The following CDHR2 variants were observed in gnomAD, a reference collection of about 807,000 sequenced individuals.
CDHR2 encodes cadherin related family member 2, also known as cadherin-related family member 2.
Under a neutral mutation model 138.6 loss-of-function variants are expected in CDHR2, and 104 were observed. The observed-to-expected ratio is 0.75, with a 90% confidence interval of 0.64 to 0.88. CDHR2 has a LOEUF of 0.88. CDHR2 is among the 40% of genes least tolerant of loss of function. The pLI is 0.00. For missense variants in CDHR2, 1,624 were observed against 1,727.6 expected (o/e 0.94, Z 1.06); for synonymous variants, 755 against 742.8 (o/e 1.02, Z -0.27).
At position 176,591,422 on chromosome 5, in the gene CDHR2, C is replaced by T. The variant is rs372658909; in HGVS notation, c.3672C>T (p.Asn1224=). Residue 1224 remains asparagine, a synonymous_variant, in exon 30 of 32, where the codon AAC becomes AAT. Transcript: ENST00000261944. ...TCTCCAGAGCCAACCCCATGCTGAA[C>T]CTCCCCAACAAAGACCTGGGCTTGG... The part of the protein sequence containing the change: ...YNTERANPML[N]LPNKDLGLEY... 6.2e-7 allele frequency: 1 copy of T among 1,614,070 alleles called. No homozygotes were observed. The highest frequency in any genetic ancestry group is 8.5e-7 in the Non-Finnish European group (1 of 1,180,018).
chr5:176,581,490 G>A lies in CDHR2; in HGVS notation c.1966G>A (p.Ala656Thr), dbSNP rs534536977. 27 of 1,614,128 alleles carry A rather than the reference G, an allele frequency of 1.7e-5. No individual in the cohort carries two copies. In the Middle Eastern group the frequency reaches 6.6e-4, roughly 39 times the overall value. ...CCTGGACAGAGAGGCCATCGACCCC[G>A]CCCTGGAGGGCCGCATTGTGCTGAC... ...GPLDREAIDP[A>T]LEGRIVLTVL... Residue 656 changes from alanine to threonine, a missense_variant, in exon 17 of 32, where the codon GCC (alanine) becomes ACC (threonine). Ala to Thr is a moderately conservative substitution (Grantham distance 58). This residue lies in a region of CDHR2 where 1,061 missense variants were observed against 1,136.6 expected (regional missense o/e 0.93). Coordinates refer to ENST00000261944, the MANE Select transcript of CDHR2 (RefSeq NM_017675.6).
At position 176,576,765 on chromosome 5, in the gene CDHR2, T is replaced by C. The variant is rs891594113; in HGVS notation, c.1194+580T>C. On this transcript the variant is annotated intron_variant, in intron 12 of 31. Transcript: ENST00000261944. This position sits in a 1 kb window ranked among gnomAD's most constrained non-coding sequence, Gnocchi z 4.5. ...CTAATTTTTGTGTTTTTAGTAGAGA[T>C]GGAGTTTCACCATGTTGGCCAGGTT... Among the ~76,000 whole-genome samples, 1 of 152,106 alleles carries C rather than the reference T, an allele frequency of 6.6e-6. No individual in the cohort carries two copies. The highest frequency in any genetic ancestry group is 6.5e-5 in the Admixed American group (1 of 15,282).
upstream of CDHR2, among the ~76,000 whole-genome samples, chr5:176,548,101 G>C (rs771679724): frequency 2.0e-5 from 3 of 152,190 alleles, no homozygotes; most frequent in Non-Finnish European, 4.4e-5. Flanking sequence ...TGTACCGCAC[G>C]CTGCAGGCAA....
upstream of CDHR2, among the ~76,000 whole-genome samples, chr5:176,548,198 A>G (rs1757626000): frequency 6.6e-6 from 1 of 152,364 alleles, no homozygotes; most frequent in East Asian, 1.9e-4. Flanking sequence ...GACCGCTATT[A>G]TATGTGTGGT....
intron 16 of CDHR2, among the ~76,000 whole-genome samples, chr5:176,579,650 A>G (rs1758480546): frequency 6.6e-6 from 1 of 152,120 alleles, no homozygotes; most frequent in African/African-American, 2.4e-5. Context: ...AAAAATAAAC[A>G]TCTCCAGCTG....
chr5:176,558,800 G>A (rs1461403758), intron 1 of CDHR2, among the ~76,000 whole-genome samples: 16 of 152,338 alleles, frequency 1.1e-4, no homozygotes, highest in Admixed American at 9.1e-4. Context: ...GATTACGGGC[G>A]TGAGCCACCG....
chr5:176,578,235 T>C (rs1299031039), intron 15 of CDHR2, 130 bp from the exon 16 acceptor site: 2 of 1,229,574 alleles, frequency 1.6e-6, no homozygotes, highest in African/African-American at 3.0e-5. Context: ...AAGGAATGAC[T>C]TTTTGAAATA....
chr5:176,565,658 C>G lies in CDHR2; in HGVS notation c.53-14C>G. 1 of 1,612,200 alleles carries G rather than the reference C, an allele frequency of 6.2e-7. No homozygotes were observed. ...AGGGGTGTCCCGATGTTCCAGCACA[C>G]TGTGTCCCTACAGTGGCAGCCAACG... On this transcript the variant is annotated splice_polypyrimidine_tract_variant and intron_variant, in intron 2 of 31. Coordinates refer to ENST00000261944, the MANE Select transcript of CDHR2 (RefSeq NM_017675.6).
intron 5 of CDHR2, among the ~76,000 whole-genome samples, chr5:176,569,733 C>G (rs1045721098): frequency 1.3e-5 from 2 of 152,066 alleles, no homozygotes; most frequent in Non-Finnish European, 2.9e-5. Context: ...CCGAGGTGGG[C>G]AGATCACCTG....
chr5:176,590,506 G>A (rs754494952), intron 27 of CDHR2, 21 bp downstream of exon 27: 2 of 1,613,988 alleles, frequency 1.2e-6, no homozygotes, highest in East Asian at 2.2e-5. Context: ...GCAGGGCGGG[G>A]CAGCAGGTGG....
Position 176,584,937 on chromosome 5 carries a change from G to T in CDHR2, c.2656G>T (p.Ala886Ser). 6.3e-7 allele frequency: 1 copy of T among 1,593,892 alleles called. No individual in the cohort carries two copies. The highest frequency in any genetic ancestry group is 8.5e-7 in the Non-Finnish European group (1 of 1,169,900). ...INQSKAIDYE[A>S]CDLVTLVVRA... ...CCAGAGCAAAGCCATCGACTACGAG[G>T]CCTGTGACCTGGTCACGCTGGTTGT... Residue 886 changes from alanine to serine, a missense_variant, in exon 19 of 32, where the codon GCC becomes TCC. Coordinates refer to ENST00000261944, the MANE Select transcript of CDHR2 (RefSeq NM_017675.6).
rs371884538 is a variant in CDHR2, at chr5:176,575,225, G to A, written c.621+16G>A. 162 of 1,614,134 alleles carry A rather than the reference G, an allele frequency of 1.0e-4. No individual in the cohort carries two copies. The East Asian group carries it at 1.5e-3, about 15-fold the overall frequency. ...GAAGGCCTGTGTGAGTGGGGGTGCC[G>A]GCAGGCGGGCCTAGGACCCACGGCG... On this transcript the variant is annotated intron_variant, in intron 8 of 31. Transcript: ENST00000261944.
intron 30 of CDHR2, 133 bp downstream of exon 30, chr5:176,591,617 TATG>T (rs1361915634): frequency 1.0e-4 from 69 of 686,180 alleles, no homozygotes; most frequent in East Asian, 7.4e-4. Flanking sequence ...TAGTGGTAGT[TATG>T]GTGGTGGTGG....
In CDHR2 at chr5:176,576,130, C is replaced by T. The variant is rs745537051; in HGVS notation, c.1139C>T (p.Ala380Val). The T allele has an allele frequency of 1.2e-6, 2 of 1,614,068 alleles. No individual in the cohort carries two copies. Among genetic ancestry groups the T allele is most frequent in the Non-Finnish European group, 1.7e-6 (2 of 1,180,044 alleles). The change falls in exon 12 of 32, where the codon GCC (alanine) becomes GTC (valine). Residue 380 changes from alanine to valine, a missense_variant. Coordinates refer to ENST00000261944, the MANE Select transcript of CDHR2 (RefSeq NM_017675.6). The surrounding 1 kb of genome is among the most constrained non-coding windows in gnomAD (Gnocchi z 4.5). ...VNFTGYVDEH[A>V]SPRIPIDDLT... ...TTCACTGGCTACGTGGACGAGCATG[C>T]CTCCCCCCGCATCCCCATCGATGAC...
At chr5:176,579,032 G>A (rs1355837729) in intron 16 of CDHR2, among the ~76,000 whole-genome samples, 1 of 152,232 alleles carries the variant, frequency 6.6e-6, no homozygotes. Context: ...GGAGTGAGCT[G>A]CAAATTCTGA....
At chr5:176,559,855 TG>T (rs753142101) in intron 1 of CDHR2, among the ~76,000 whole-genome samples, 1 of 151,974 alleles carries the variant, frequency 6.6e-6, no homozygotes, top group Non-Finnish European at 1.5e-5. Context: ...TGTTGCAACT[TG>T]GGGGTTGCTA....
Position 176,575,498 on chromosome 5 carries a change from C to T in CDHR2, c.769-8C>T. On this transcript the variant is annotated splice_polypyrimidine_tract_variant and splice_region_variant and intron_variant, in intron 9 of 31. Coordinates refer to ENST00000261944, the MANE Select transcript of CDHR2 (RefSeq NM_017675.6). Reference sequence around the variant, plus strand: ...AGTTTGAGGAGCACTGACCAGGCCCCATTCCAGGGAACCTCGGTGCTGACG... The same window carrying T: ...AGTTTGAGGAGCACTGACCAGGCCCTATTCCAGGGAACCTCGGTGCTGACG... The T allele has an allele frequency of 6.2e-7, 1 of 1,614,184 alleles. No individual in the cohort carries two copies. The highest frequency in any genetic ancestry group is 8.5e-7 in the Non-Finnish European group (1 of 1,180,024).
rs4868648 is a variant in CDHR2, at chr5:176,553,112, T to C, written c.-16+3698T>C. The stretch of plus-strand genomic sequence containing the variant: ...CGTGGCGTGTATGGGGAAGGGGCTG[T>C]AGGGGGAGGCGCCTCGGGGACTGGG... On this transcript the variant is annotated intron_variant, in intron 1 of 31. Transcript: ENST00000261944. The surrounding 1 kb of genome is among the most constrained non-coding windows in gnomAD (Gnocchi z 4.3). 0.52 allele frequency among the ~76,000 whole-genome samples: 78,519 copies of C among 151,770 alleles called. 24,908 individuals carry two copies. Among genetic ancestry groups the C allele is most frequent in the Non-Finnish European group, 0.7 (47,633 of 67,918 alleles).
At chr5:176,548,112 C>G (rs1000231844), upstream of CDHR2, among the ~76,000 whole-genome samples, 1 of 152,214 alleles carries the variant, frequency 6.6e-6, no homozygotes. Flanking sequence ...CTGCAGGCAA[C>G]TGTAACACAG....
Sources: gnomAD v4.1 joint callset for allele counts (sites outside exome capture counted in the v4.1 genomes callset) on GRCh38, gnomAD v4.1.1 for gene constraint, gnomAD v4.1.1 regional missense constraint, Gnocchi (gnomAD v3.1) non-coding constraint, MANE v1.5 for transcripts, NCBI Gene and HGNC (gene_info 2026-07-23, HGNC 2026-07-21) for gene names.